Variants in MAST4 observed in about 807,000 individuals in gnomAD.
MAST4 encodes microtubule-associated serine/threonine-protein kinase 4.
MAST4 carries 89 observed loss-of-function variants against 162.7 expected under a neutral mutation model. The observed-to-expected ratio is 0.55, with a 90% CI of 0.46 to 0.65. MAST4 has a LOEUF of 0.65. Ranked by LOEUF, MAST4 falls within the 30% of genes least tolerant of loss-of-function variation. MAST4 has a pLI of 0.00. For missense variants in MAST4, 3,153 were observed against 3,374.0 expected (o/e 0.93, Z 1.62); for synonymous variants, 1,479 against 1,361.1 (o/e 1.09, Z -1.91).
chr5:66,859,407 T>C (rs1759925631), intron 3 of MAST4, among the ~76,000 whole-genome samples: 1 of 152,062 alleles, frequency 6.6e-6, no homozygotes, highest in African/African-American at 2.4e-5. Context: ...GTTGGTATTT[T>C]AATTTAAGAC....
At chr5:66,597,394 G>A (rs1345788118) in intron 1 of MAST4, among the ~76,000 whole-genome samples, 2 of 152,204 alleles carry the variant, frequency 1.3e-5, no homozygotes, top group Non-Finnish European at 2.9e-5. Flanking sequence ...CCACCGAAGC[G>A]CTTGGGCCGA....
rs570078327 is a variant in MAST4, at chr5:66,666,339, A to G, written c.363+69321A>G. Among the ~76,000 whole-genome samples the G allele has an allele frequency of 1.4e-4, 21 of 152,338 alleles. 1 individual carries two copies. Among genetic ancestry groups the G allele is most frequent in the South Asian group, 2.1e-4 (1 of 4,830 alleles). On this transcript the variant is annotated intron_variant, in intron 1 of 28. Coordinates refer to ENST00000403625, the MANE Select transcript of MAST4 (RefSeq NM_001164664.2). Reference sequence around the variant, plus strand: ...TATCCCTCCAGACTTCCAGTCAGCTAGAAGTGTACCATTCTTGCTTCCCAT... The same window carrying G: ...TATCCCTCCAGACTTCCAGTCAGCTGGAAGTGTACCATTCTTGCTTCCCAT...
intron 12 of MAST4, 29 bp from the exon 13 acceptor site, chr5:67,118,653 A>T: frequency 2.2e-6 from 3 of 1,393,978 alleles, no homozygotes; most frequent in Non-Finnish European, 3.0e-6. Flanking sequence ...TATTTTTATT[A>T]AGCTTAACTT....
At chr5:67,070,711 C>G (rs542836532) in intron 5 of MAST4, among the ~76,000 whole-genome samples, 1 of 152,158 alleles carries the variant, frequency 6.6e-6, no homozygotes, top group Non-Finnish European at 1.5e-5. Flanking sequence ...AATGCTGTTA[C>G]CTGTGTCAAC....
chr5:66,940,073 A>G (rs944460041), intron 4 of MAST4, among the ~76,000 whole-genome samples: 2 of 152,108 alleles, frequency 1.3e-5, no homozygotes, highest in African/African-American at 4.8e-5. Flanking sequence ...TCTCATAAAT[A>G]TATATGTATG....
chr5:66,972,200 G>T (rs1747523883), intron 4 of MAST4, among the ~76,000 whole-genome samples: 1 of 152,172 alleles, frequency 6.6e-6, no homozygotes, highest in Non-Finnish European at 1.5e-5. Flanking sequence ...CAAGGATGTT[G>T]CCTATTCTAA....
chr5:66,705,077 C>G (rs558079720), intron 1 of MAST4, among the ~76,000 whole-genome samples: 1 of 152,264 alleles, frequency 6.6e-6, no homozygotes, highest in African/African-American at 2.4e-5. Context: ...CTCTGCTGAC[C>G]TAGTTTTTGG....
At chr5:67,037,029 G>A (rs1386159734) in intron 4 of MAST4, among the ~76,000 whole-genome samples, 1 of 152,046 alleles carries the variant, frequency 6.6e-6, no homozygotes, top group Non-Finnish European at 1.5e-5. Context: ...TTGTTAATTG[G>A]CTTGATTAGA....
intron 4 of MAST4, among the ~76,000 whole-genome samples, chr5:66,972,913 T>C (rs1747622922): frequency 6.6e-6 from 1 of 152,222 alleles, no homozygotes; most frequent in Non-Finnish European, 1.5e-5. Context: ...TCAGGGCTGA[T>C]TATTCCCTGT....
intron 2 of MAST4, among the ~76,000 whole-genome samples, chr5:66,763,195 C>G (rs971198323): frequency 6.6e-6 from 1 of 152,162 alleles, no homozygotes; most frequent in Admixed American, 6.5e-5. Context: ...TACACTGTTC[C>G]TAGCATAGTC....
At chr5:67,067,591 T>C (rs1760402128) in intron 5 of MAST4, among the ~76,000 whole-genome samples, 1 of 152,170 alleles carries the variant, frequency 6.6e-6, no homozygotes, top group Non-Finnish European at 1.5e-5. Flanking sequence ...AAGGCATGTG[T>C]CATCCATGTA....
intron 23 of MAST4, among the ~76,000 whole-genome samples, chr5:67,147,921 G>A (rs1426363101): frequency 1.3e-5 from 2 of 152,226 alleles, no homozygotes; most frequent in African/African-American, 4.8e-5. Context: ...CATATGCACA[G>A]TAGATGACCA....
chr5:66,946,944 C>T (rs1286865542), intron 4 of MAST4, among the ~76,000 whole-genome samples: 5 of 152,034 alleles, frequency 3.3e-5, no homozygotes, highest in Non-Finnish European at 7.4e-5. Flanking sequence ...CGTCCACTTT[C>T]TTTTTCATTG....
chr5:66,914,543 A>G (rs1763979111), intron 4 of MAST4, among the ~76,000 whole-genome samples: 2 of 151,858 alleles, frequency 1.3e-5, no homozygotes, highest in African/African-American at 4.9e-5. Context: ...CTTAGCATAG[A>G]GAGGGGGTAG....
intron 7 of MAST4, 112 bp downstream of exon 7, chr5:67,095,787 A>T (rs113981307): frequency 1.4e-6 from 1 of 697,752 alleles, no homozygotes; most frequent in East Asian, 2.8e-5. Context: ...TAAATTCTGC[A>T]TGTCTGCCAC....
intron 1 of MAST4, among the ~76,000 whole-genome samples, chr5:66,679,313 G>C (rs1748173207): frequency 6.6e-6 from 1 of 152,138 alleles, no homozygotes; most frequent in Non-Finnish European, 1.5e-5. Context: ...AGATAGAATT[G>C]GCCAGATTTA....
chr5:66,780,767 T>C (rs972793127), intron 2 of MAST4, among the ~76,000 whole-genome samples: 6 of 151,838 alleles, frequency 4.0e-5, no homozygotes, highest in Non-Finnish European at 8.9e-5. Context: ...AGAGTGCTGA[T>C]TGGTGCGTTT....
At chr5:67,082,570 G>T (rs1487036199) in intron 5 of MAST4, among the ~76,000 whole-genome samples, 1 of 152,160 alleles carries the variant, frequency 6.6e-6, no homozygotes, top group Non-Finnish European at 1.5e-5. Context: ...ATCAAGAGAA[G>T]AGAATAGCTC....
intron 3 of MAST4, among the ~76,000 whole-genome samples, chr5:66,846,509 C>T (rs1758867047): frequency 6.6e-6 from 1 of 152,090 alleles, no homozygotes; most frequent in African/African-American, 2.4e-5. Context: ...GCAGGCTTTC[C>T]TGGTCTATGG....
Sources: allele counts gnomAD v4.1 joint callset (sites outside exome capture counted in the v4.1 genomes callset), GRCh38; gene constraint gnomAD v4.1.1; transcripts MANE v1.5; gene names NCBI Gene and HGNC (gene_info 2026-07-23, HGNC 2026-07-21).